Variants in MTBP observed in about 807,000 individuals in gnomAD.
MTBP encodes MDM2 binding protein, also known as mdm2-binding protein.
In MTBP, 101 loss-of-function variants were observed where a neutral mutation model predicts 117.0. The observed-to-expected ratio is 0.86, with a 90% CI of 0.73 to 1.02. The LOEUF (loss-of-function observed/expected upper bound fraction) is 1.02, where lower values mean the gene tolerates loss of function less well. Ranked by LOEUF, MTBP falls within the 50% of genes least tolerant of loss-of-function variation. The probability of loss-of-function intolerance (pLI) is 0.00; values close to 1 mark genes in which losing one functional copy is unlikely to be tolerated. For synonymous variants in MTBP, 350 were observed against 351.5 expected, an observed-to-expected ratio of 1.00 and a Z score of 0.05; for missense variants, 970 against 1,030.9, an observed-to-expected ratio of 0.94 and a Z score of 0.81.
intron 17 of MTBP, among the ~76,000 whole-genome samples, chr8:120,510,729 C>G (rs1814786386): frequency 6.6e-6 from 1 of 151,884 alleles, no homozygotes; most frequent in Non-Finnish European, 1.5e-5. Flanking sequence ...TGGTGAAACC[C>G]TGTCTCTACA....
chr8:120,466,920 A>G (rs1368294845), intron 10 of MTBP, among the ~76,000 whole-genome samples: 2 of 152,128 alleles, frequency 1.3e-5, no homozygotes, highest in Non-Finnish European at 2.9e-5. Flanking sequence ...TTAAACAATT[A>G]ATTTTTTTAA....
chr8:120,483,961 T>G (rs1437220259), intron 11 of MTBP, among the ~76,000 whole-genome samples: 1 of 152,154 alleles, frequency 6.6e-6, no homozygotes, highest in African/African-American at 2.4e-5. Context: ...AGTTATTTAA[T>G]AAGTCTTCAA....
intron 11 of MTBP, among the ~76,000 whole-genome samples, chr8:120,484,656 A>T (rs1218245602): frequency 6.6e-6 from 1 of 152,202 alleles, no homozygotes; most frequent in Non-Finnish European, 1.5e-5. Context: ...ATTGAGATAT[A>T]ATGCATACCA....
intron 19 of MTBP, 75 bp downstream of exon 19, chr8:120,518,175 T>G: frequency 6.9e-7 from 1 of 1,450,236 alleles, no homozygotes; most frequent in South Asian, 1.4e-5. Flanking sequence ...AAAATATATG[T>G]CTAAAAAATT....
At chr8:120,448,562 A>G (rs370357998) in intron 2 of MTBP, among the ~76,000 whole-genome samples, 1 of 152,232 alleles carries the variant, frequency 6.6e-6, no homozygotes, top group East Asian at 1.9e-4. Context: ...GCACTTGCAC[A>G]GTGACCAATC....
rs774069352 is a variant in MTBP, at chr8:120,516,194, G to A, written c.2246+3G>A. 1.4e-5 allele frequency: 22 copies of A among 1,604,750 alleles called. No individual in the cohort carries two copies. In the Admixed American group the frequency reaches 3.7e-4, roughly 27 times the overall value. On this transcript the variant is annotated splice_donor_region_variant and intron_variant, in intron 18 of 21. Coordinates refer to ENST00000305949, the MANE Select transcript of MTBP (RefSeq NM_022045.5). ...AATTGCCTTTATCCCAGAAAAAGGTGATATATTACATGCACATAAATAGTA... is the reference window on the plus strand; with the variant it reads ...AATTGCCTTTATCCCAGAAAAAGGTAATATATTACATGCACATAAATAGTA...
chr8:120,502,730 A>G (rs1484262179), intron 15 of MTBP, 121 bp downstream of exon 15: 1 of 600,712 alleles, frequency 1.7e-6, no homozygotes, highest in African/African-American at 1.9e-5. Flanking sequence ...AAAGAAATAC[A>G]TACTTACTGT....
chr8:120,507,334 C>T (rs1814707298), intron 16 of MTBP, among the ~76,000 whole-genome samples: 1 of 152,048 alleles, frequency 6.6e-6, no homozygotes, highest in African/African-American at 2.4e-5. Flanking sequence ...ATGACATTGC[C>T]AAGTAAGAAT....
chr8:120,457,647 G>A (rs1016834960), intron 7 of MTBP, among the ~76,000 whole-genome samples: 71 of 152,264 alleles, frequency 4.7e-4, no homozygotes, highest in African/African-American at 1.6e-3. Context: ...TAGGCTGGGC[G>A]CAGTGGGTGG....
chr8:120,516,282 T>A, intron 18 of MTBP, 91 bp downstream of exon 18: 1 of 1,150,316 alleles, frequency 8.7e-7, no homozygotes, highest in Non-Finnish European at 1.2e-6. Context: ...TCTTTCAGGT[T>A]AATTTCTTCA....
At chr8:120,497,063 A>T (rs1242254411) in intron 13 of MTBP, among the ~76,000 whole-genome samples, 1 of 152,244 alleles carries the variant, frequency 6.6e-6, no homozygotes, top group Non-Finnish European at 1.5e-5. Flanking sequence ...TTTAACTGAA[A>T]GTCTAACAGG....
At chr8:120,490,643 GCA>G in intron 13 of MTBP, 73 bp downstream of exon 13, 1 of 888,418 alleles carries the variant, frequency 1.1e-6, no homozygotes, top group Non-Finnish European at 1.7e-6. Context: ...ACCTTTATTT[GCA>G]CACTTTTTCA....
At chr8:120,449,863 T>C (rs1255773172) in intron 2 of MTBP, among the ~76,000 whole-genome samples, 1 of 152,104 alleles carries the variant, frequency 6.6e-6, no homozygotes, top group African/African-American at 2.4e-5. Context: ...CTTTGGTGAG[T>C]GTTCTTTCAG....
intron 14 of MTBP, among the ~76,000 whole-genome samples, chr8:120,501,935 A>G (rs1441832729): frequency 6.6e-6 from 1 of 152,224 alleles, no homozygotes; most frequent in Non-Finnish European, 1.5e-5. Context: ...ATATTTGATT[A>G]GTAGAAAATA....
At chr8:120,487,109 C>T (rs1360702491) in intron 11 of MTBP, among the ~76,000 whole-genome samples, 2 of 152,140 alleles carry the variant, frequency 1.3e-5, no homozygotes, top group Non-Finnish European at 2.9e-5. Context: ...ATATCTCAAG[C>T]CAAAGACACT....
intron 13 of MTBP, among the ~76,000 whole-genome samples, chr8:120,496,266 A>G (rs1317620219): frequency 6.6e-6 from 1 of 152,180 alleles, no homozygotes; most frequent in Non-Finnish European, 1.5e-5. Flanking sequence ...GAGTGATGGG[A>G]AGGAAGAGGG....
chr8:120,451,104 A>T, intron 3 of MTBP, 28 bp downstream of exon 3: 1 of 1,586,146 alleles, frequency 6.3e-7, no homozygotes, highest in South Asian at 1.1e-5. Flanking sequence ...ATAGCTACTA[A>T]TGAATGTCTT....
At position 120,515,942 on chromosome 8, in the gene MTBP, G is replaced by C; in HGVS notation, c.1997G>C (p.Arg666Pro). ...YHGIEYCLDD[R>P]KALERDGGFS... The stretch of plus-strand genomic sequence containing the variant: ...CATTTTAGATATTGCTTGGATGACC[G>C]AAAAGCTTTGGAAAGAGATGGAGGA... Residue 666 changes from arginine to proline, a missense_variant, in exon 18 of 22, where the codon CGA (arginine) becomes CCA (proline). Transcript: ENST00000305949. The C allele has an allele frequency of 6.2e-7, 1 of 1,612,208 alleles. No individual in the cohort carries two copies. Among genetic ancestry groups the C allele is most frequent in the South Asian group, 1.1e-5 (1 of 90,970 alleles).
At chr8:120,455,117 G>A (rs1271129526) in intron 5 of MTBP, among the ~76,000 whole-genome samples, 2 of 151,718 alleles carry the variant, frequency 1.3e-5, no homozygotes, top group Admixed American at 1.3e-4. Context: ...GATCATGAGA[G>A]TGATGTGTGT....
Sources: allele counts gnomAD v4.1 joint callset (sites outside exome capture counted in the v4.1 genomes callset), GRCh38; gene constraint gnomAD v4.1.1; transcripts MANE v1.5; gene names NCBI Gene and HGNC (gene_info 2026-07-23, HGNC 2026-07-21).